The following CEP63 variants were observed in gnomAD, a reference collection of about 807,000 sequenced individuals.
The protein encoded by CEP63 is centrosomal protein of 63 kDa.
A neutral mutation model predicts 89.1 loss-of-function variants in CEP63; 84 were observed. The observed-to-expected ratio is 0.94, with a 90% CI of 0.79 to 1.13. CEP63 has a LOEUF of 1.13. Among genes scored for constraint, CEP63 ranks in the 50% most tolerant of loss-of-function variants. The probability of loss-of-function intolerance (pLI) is 0.00; values close to 1 mark genes in which losing one functional copy is unlikely to be tolerated. For synonymous variants in CEP63, 267 were observed against 272.5 expected (o/e 0.98, Z 0.20); for missense variants, 838 against 813.3 (o/e 1.03, Z -0.37).
chr3:134,740,770 C>T, the CEP63 span, among the ~76,000 whole-genome samples: 1 of 152,120 alleles, frequency 6.6e-6, no homozygotes, highest in Admixed American at 6.6e-5. Context: ...GTCTTCTTTG[C>T]TCTCTGGTCC....
the CEP63 span, among the ~76,000 whole-genome samples, chr3:134,605,336 C>G: frequency 6.6e-6 from 1 of 152,168 alleles, no homozygotes; most frequent in South Asian, 2.1e-4. Flanking sequence ...CCAGCCCCAG[C>G]AACCTCCCCA....
At chr3:134,526,867 T>G (rs1948750375) in intron 3 of CEP63, among the ~76,000 whole-genome samples, 1 of 152,154 alleles carries the variant, frequency 6.6e-6, no homozygotes, top group Non-Finnish European at 1.5e-5. Context: ...CTGGAAGATT[T>G]TCGGTGGCCA....
the CEP63 span, among the ~76,000 whole-genome samples, chr3:134,628,836 T>A: frequency 6.6e-6 from 1 of 152,174 alleles, no homozygotes; most frequent in African/African-American, 2.4e-5. Context: ...ATGAACCCAG[T>A]CAGTCGACCC....
At chr3:134,746,371 G>T in the CEP63 span, among the ~76,000 whole-genome samples, 1 of 152,136 alleles carries the variant, frequency 6.6e-6, no homozygotes, top group African/African-American at 2.4e-5. Context: ...GAATAGTGCT[G>T]CAATAAACAT....
chr3:134,644,364 G>A, the CEP63 span, among the ~76,000 whole-genome samples: 30,175 of 152,162 alleles, frequency 0.2, 3,411 homozygotes, highest in Non-Finnish European at 0.26. Flanking sequence ...GCCAAGAAGC[G>A]GGAGCTCACA....
Position 134,559,313 on chromosome 3 carries a change from A to G in CEP63, c.1837A>G (p.Thr613Ala). 6 of 1,614,152 alleles carry G rather than the reference A, an allele frequency of 3.7e-6. No homozygotes were observed. The highest frequency in any genetic ancestry group is 4.2e-6 in the Non-Finnish European group (5 of 1,180,016). Reference protein sequence around the residue: ...ISPCSSTRSLTSYSLCKTHSL... With the variant: ...ISPCSSTRSLASYSLCKTHSL... ...CCCTTGCAGCTCCACCAGGTCTTTGACTTCCTACTCTCTATGTAAAACTCA... is the reference window on the plus strand; with the variant it reads ...CCCTTGCAGCTCCACCAGGTCTTTGGCTTCCTACTCTCTATGTAAAACTCA... Residue 613 changes from threonine (T) to alanine (A), a missense_variant, in exon 14 of 15, where the codon ACT becomes GCT. Transcript: ENST00000675561.
At position 134,561,573 on chromosome 3, in the gene CEP63, A is replaced by G; in HGVS notation, c.*38A>G. The stretch of plus-strand genomic sequence containing the variant: ...ATCACTATCTTGGAAATAAAAATAA[A>G]CACCAAAGAGTTACTGTCATCTGAA... On this transcript the variant is annotated 3_prime_UTR_variant, in exon 15 of 15. Transcript: ENST00000675561. The G allele has an allele frequency of 6.3e-7, 1 of 1,585,978 alleles. No individual in the cohort carries two copies. The highest frequency in any genetic ancestry group is 8.6e-7 in the Non-Finnish European group (1 of 1,164,082).
chr3:134,685,016 G>C, the CEP63 span, among the ~76,000 whole-genome samples: 12 of 152,166 alleles, frequency 7.9e-5, no homozygotes, highest in South Asian at 2.3e-3. Context: ...ATGGATGCTG[G>C]GTAGACATTA....
chr3:134,700,465 C>CA, the CEP63 span, among the ~76,000 whole-genome samples: 1 of 152,230 alleles, frequency 6.6e-6, no homozygotes, highest in Non-Finnish European at 1.5e-5. Flanking sequence ...TATCCCACCC[C>CA]TCCTCAGTCA....
At position 134,585,050 on chromosome 3, in the gene CEP63, T is replaced by C. The variant is rs1410234944; in HGVS notation, c.1207-2408T>C. Among the ~76,000 whole-genome samples, 8 of 151,430 alleles carry C rather than the reference T, an allele frequency of 5.3e-5. No individual in the cohort carries two copies. In the East Asian group the frequency reaches 1.6e-3, roughly 29 times the overall value. ...ATTGGTGGTGATATCCCCTTTATCA[T>C]TTTTAATTGCGTCTATTTGATTCCT... On this transcript the variant is annotated intron_variant, in intron 10 of 10. Coordinates refer to the CEP63 transcript ENST00000683931.
At chr3:134,717,119 C>T in the CEP63 span, among the ~76,000 whole-genome samples, 1 of 152,142 alleles carries the variant, frequency 6.6e-6, no homozygotes, top group Non-Finnish European at 1.5e-5. Context: ...TCTTTCAGGA[C>T]ATGGGAATGG....
At chr3:134,517,522 T>C (rs1037885961) in intron 3 of CEP63, among the ~76,000 whole-genome samples, 3 of 152,256 alleles carry the variant, frequency 2.0e-5, no homozygotes, top group African/African-American at 7.2e-5. Context: ...AGAGTACACA[T>C]TCTTATTAGC....
chr3:134,521,000 A>G (rs1202530854), intron 3 of CEP63, among the ~76,000 whole-genome samples: 2 of 152,166 alleles, frequency 1.3e-5, no homozygotes, highest in Non-Finnish European at 2.9e-5. Context: ...AAAGGTTACT[A>G]ATTTAGACTA....
the CEP63 span, among the ~76,000 whole-genome samples, chr3:134,682,602 C>T: frequency 1.3e-5 from 2 of 152,128 alleles, no homozygotes; most frequent in Non-Finnish European, 2.9e-5. Flanking sequence ...TTTTTGAATA[C>T]TTTCTGCTTT....
chr3:134,723,467 T>C, the CEP63 span, among the ~76,000 whole-genome samples: 1 of 152,222 alleles, frequency 6.6e-6, no homozygotes, highest in Non-Finnish European at 1.5e-5. Context: ...TACTAGCCTA[T>C]GTAGTTCACC....
chr3:134,767,893 G>A, the CEP63 span, among the ~76,000 whole-genome samples: 1 of 152,226 alleles, frequency 6.6e-6, no homozygotes, highest in Non-Finnish European at 1.5e-5. Context: ...TACAGAGAGA[G>A]AAGAGCCTTC....
At chr3:134,625,095 C>G in the CEP63 span, 1 of 1,603,110 alleles carries the variant, frequency 6.2e-7, no homozygotes, top group East Asian at 2.2e-5. Flanking sequence ...GCTGCAGGTC[C>G]AGGGACATGG....
intron 12 of CEP63, among the ~76,000 whole-genome samples, chr3:134,556,952 TA>T (rs1447215151): frequency 6.6e-6 from 1 of 152,320 alleles, no homozygotes; most frequent in African/African-American, 2.4e-5. Context: ...GTCAGCAGTT[TA>T]AGCTTTCTCT....
the CEP63 span, among the ~76,000 whole-genome samples, chr3:134,751,669 TG>T: frequency 2.0e-5 from 3 of 152,012 alleles, no homozygotes; most frequent in East Asian, 1.9e-4. Flanking sequence ...TGGATGTGGC[TG>T]GGGGAAGGGG....
Sources: gnomAD v4.1 joint callset for allele counts (sites outside exome capture counted in the v4.1 genomes callset) on GRCh38, gnomAD v4.1.1 for gene constraint, MANE v1.5 for transcripts, NCBI Gene and HGNC (gene_info 2026-07-23, HGNC 2026-07-21) for gene names.